The following CLYBL variants were observed in gnomAD, a reference collection of about 807,000 sequenced individuals.
The protein encoded by CLYBL is citramalyl-CoA lyase.
A neutral mutation model predicts 38.9 loss-of-function variants in CLYBL; 31 were observed. That is an observed-to-expected ratio of 0.80 (90% CI 0.60 to 1.08). CLYBL has a LOEUF of 1.08. Among genes scored for constraint, CLYBL ranks in the 50% least tolerant of loss-of-function variants. The probability of loss-of-function intolerance (pLI) is 0.00; values close to 1 mark genes in which losing one functional copy is unlikely to be tolerated. For missense variants in CLYBL, 434 were observed against 411.6 expected (o/e 1.05, Z -0.47); for synonymous variants, 171 against 158.6 (o/e 1.08, Z -0.59).
intron 2 of CLYBL, among the ~76,000 whole-genome samples, chr13:99,791,861 T>C (rs2049923936): frequency 6.6e-6 from 1 of 152,218 alleles, no homozygotes; most frequent in Admixed American, 6.5e-5. Context: ...CTTAGAGTCC[T>C]GACTCTCACA....
intron 1 of CLYBL, among the ~76,000 whole-genome samples, chr13:99,679,016 CAGGCGTGG>C (rs2047693477): frequency 6.6e-6 from 1 of 152,004 alleles, no homozygotes; most frequent in African/African-American, 2.4e-5. Flanking sequence ...TTGTATACGC[CAGGCGTGG>C]AGGCTCATGT....
chr13:99,768,443 T>C (rs9585214), intron 1 of CLYBL, among the ~76,000 whole-genome samples: 2,147 of 147,574 alleles, frequency 0.015, 52 homozygotes, highest in African/African-American at 0.051. Context: ...TCTGCCCACC[T>C]CAGCCTCCCA....
chr13:99,870,051 G>C (rs2051844735), intron 6 of CLYBL, among the ~76,000 whole-genome samples: 2 of 151,644 alleles, frequency 1.3e-5, no homozygotes, highest in South Asian at 4.2e-4. Flanking sequence ...TTTGTGTGAT[G>C]TTTTCATTTA....
At chr13:99,899,819 C>T (rs2052621031), downstream of CLYBL, among the ~76,000 whole-genome samples, 1 of 152,180 alleles carries the variant, frequency 6.6e-6, no homozygotes, top group Non-Finnish European at 1.5e-5. Context: ...GACTTCCACC[C>T]AGGGGCCAAA....
intron 1 of CLYBL, among the ~76,000 whole-genome samples, chr13:99,660,897 A>G (rs919179480): frequency 4.6e-5 from 7 of 152,050 alleles, no homozygotes; most frequent in African/African-American, 1.7e-4. Context: ...AATGCTTCCG[A>G]TTTTTTCCAT....
chr13:99,898,010 G>A (rs2052602455), downstream of CLYBL, among the ~76,000 whole-genome samples: 1 of 152,020 alleles, frequency 6.6e-6, no homozygotes, highest in African/African-American at 2.4e-5. Flanking sequence ...AGGCCTGGAA[G>A]GAACTTTAGA....
At chr13:99,842,035 C>G (rs1251938671) in intron 2 of CLYBL, among the ~76,000 whole-genome samples, 1 of 152,052 alleles carries the variant, frequency 6.6e-6, no homozygotes, top group Non-Finnish European at 1.5e-5. Context: ...CCAGGCTGGT[C>G]TCCAATTCCT....
intron 2 of CLYBL, among the ~76,000 whole-genome samples, chr13:99,792,972 T>C (rs1009481463): frequency 6.6e-5 from 10 of 151,978 alleles, no homozygotes; most frequent in Middle Eastern, 3.2e-3. Flanking sequence ...CACCTGAGCA[T>C]ATATATTCTC....
At chr13:99,886,965 A>T (rs1215660073) in intron 7 of CLYBL, among the ~76,000 whole-genome samples, 2 of 152,230 alleles carry the variant, frequency 1.3e-5, no homozygotes, top group African/African-American at 2.4e-5. Context: ...GGATGAATGG[A>T]TAAGTGGTGA....
chr13:99,885,759 G>A (rs1300016473), intron 7 of CLYBL, among the ~76,000 whole-genome samples: 3 of 152,154 alleles, frequency 2.0e-5, no homozygotes, highest in African/African-American at 7.2e-5. Context: ...CTCTCCAAGT[G>A]GGAGAAGTTG....
intron 1 of CLYBL, among the ~76,000 whole-genome samples, chr13:99,666,737 G>A (rs532184193): frequency 6.6e-6 from 1 of 152,274 alleles, no homozygotes; most frequent in East Asian, 1.9e-4. Flanking sequence ...GATGTAGCAG[G>A]TGTCAAAATA....
chr13:99,712,480 G>T (rs918779154), intron 1 of CLYBL, among the ~76,000 whole-genome samples: 3 of 151,618 alleles, frequency 2.0e-5, no homozygotes, highest in African/African-American at 7.3e-5. Context: ...GAATACAGGT[G>T]CGTGCCACCA....
At chr13:99,716,986 T>C (rs2048326674) in intron 1 of CLYBL, among the ~76,000 whole-genome samples, 1 of 150,790 alleles carries the variant, frequency 6.6e-6, no homozygotes, top group Non-Finnish European at 1.5e-5. Flanking sequence ...AGACGGGGTT[T>C]CTCCATGTTG....
chr13:99,874,977 A>G (rs2052001918), intron 7 of CLYBL, among the ~76,000 whole-genome samples: 1 of 152,232 alleles, frequency 6.6e-6, no homozygotes, highest in Non-Finnish European at 1.5e-5. Flanking sequence ...ATCTGGCTAC[A>G]AATATGGCTT....
chr13:99,739,026 TAAAAAGAGTAA>T, intron 1 of CLYBL, among the ~76,000 whole-genome samples: 1 of 152,214 alleles, frequency 6.6e-6, no homozygotes. Flanking sequence ...ATTTAATCCT[TAAAAAGAGTAA>T]AATTGTTCTC....
In CLYBL at chr13:99,722,592, C is replaced by G. The variant is rs546824086; in HGVS notation, c.63-50232C>G. ...GAATGAATGAGTGAATGAATGAATG[C>G]ATTTTTCACTTCCAGTAGCAGATAG... On this transcript the variant is annotated intron_variant, in intron 1 of 8. Transcript: ENST00000339105. Among the ~76,000 whole-genome samples the G allele has an allele frequency of 2.2e-5, 3 of 139,460 alleles. 1 individual carries two copies. The highest frequency in any genetic ancestry group is 7.4e-5 in the African/African-American group (3 of 40,516). The allele number at this position is 139,460 out of a possible 152,430, so 91.5% of individuals were successfully genotyped here.
intron 2 of CLYBL, among the ~76,000 whole-genome samples, chr13:99,833,908 GC>G (rs2050877371): frequency 6.6e-6 from 1 of 151,770 alleles, no homozygotes; most frequent in African/African-American, 2.4e-5. Flanking sequence ...CACTGTGTTG[GC>G]CAGGATGGTC....
At chr13:99,656,936 G>A (rs112030011) in intron 1 of CLYBL, among the ~76,000 whole-genome samples, 2,390 of 152,328 alleles carry the variant, frequency 0.016, 23 homozygotes, top group Non-Finnish European at 0.025. Flanking sequence ...CATGTGGTGT[G>A]AAAGCAAAAC....
intron 2 of CLYBL, among the ~76,000 whole-genome samples, chr13:99,819,839 A>G (rs1050080471): frequency 2.6e-5 from 4 of 152,092 alleles, no homozygotes; most frequent in African/African-American, 7.2e-5. Context: ...GTGAGGGCAG[A>G]TCTTTTTTAC....
Sources: allele counts gnomAD v4.1 joint callset (sites outside exome capture counted in the v4.1 genomes callset), GRCh38; gene constraint gnomAD v4.1.1; transcripts MANE v1.5; gene names NCBI Gene and HGNC (gene_info 2026-07-23, HGNC 2026-07-21).